CA10: variants seen among roughly 807,000 people sequenced by gnomAD.
The protein encoded by CA10 is carbonic anhydrase 10 (inactive).
Under a neutral mutation model 44.2 loss-of-function variants are expected in CA10, and 14 were observed. The observed-to-expected ratio is 0.32, with a 90% CI of 0.21 to 0.50. The LOEUF (loss-of-function observed/expected upper bound fraction) is 0.50, where lower values mean the gene tolerates loss of function less well. CA10 is among the 20% of genes least tolerant of loss of function. The pLI, the probability that CA10 is intolerant of heterozygous loss-of-function variation, is 0.99. For synonymous variants in CA10, 159 were observed against 141.6 expected, an observed-to-expected ratio of 1.12 and a Z score of -0.87; for missense variants, 350 against 409.7, an observed-to-expected ratio of 0.85 and a Z score of 1.26.
intron 1 of CA10, among the ~76,000 whole-genome samples, chr17:52,091,671 G>C (rs1988270112): frequency 6.6e-6 from 1 of 152,142 alleles, no homozygotes. Flanking sequence ...CAGGGAACTT[G>C]GTAACACTTT....
intron 2 of CA10, among the ~76,000 whole-genome samples, chr17:51,932,858 T>G (rs1982718111): frequency 6.6e-6 from 1 of 152,136 alleles, no homozygotes; most frequent in South Asian, 2.1e-4. Context: ...TCTTGCATTA[T>G]GAATGCACTT....
intron 1 of CA10, among the ~76,000 whole-genome samples, chr17:52,155,902 G>C (rs1295780290): frequency 6.6e-6 from 1 of 152,154 alleles, no homozygotes; most frequent in Non-Finnish European, 1.5e-5. Context: ...TTTAGTTGCT[G>C]ATACACCAAA....
At position 51,631,025 on chromosome 17, in the gene CA10, A is replaced by C. The variant is rs1220900786; in HGVS notation, c.*559T>G. On this transcript the variant is annotated 3_prime_UTR_variant, in exon 9 of 9. Transcript: ENST00000451037. ...ACAGAAGAATCATAATCTAGAAATA[A>C]GTGTCCTTGGTCAACTTTGTCCTGC... 6.5e-6 allele frequency: 1 copy of C among 153,380 alleles called. No homozygotes were observed. Among genetic ancestry groups the C allele is most frequent in the East Asian group, 1.9e-4 (1 of 5,208 alleles). The allele number at this position is 153,380 out of a possible 1,614,324, so 9.5% of individuals were successfully genotyped here.
intron 2 of CA10, among the ~76,000 whole-genome samples, chr17:52,020,168 A>G (rs916373794): frequency 6.6e-6 from 1 of 151,932 alleles, no homozygotes; most frequent in Non-Finnish European, 1.5e-5. Flanking sequence ...ACCGCTGGTA[A>G]TATTTTTTGC....
At chr17:51,689,380 AG>A (rs1487782947) in intron 4 of CA10, among the ~76,000 whole-genome samples, 1 of 152,174 alleles carries the variant, frequency 6.6e-6, no homozygotes, top group Non-Finnish European at 1.5e-5. Flanking sequence ...TTTGATTCCA[AG>A]GGCCATTCTT....
At chr17:51,716,483 G>GAAA (rs368431884) in intron 4 of CA10, among the ~76,000 whole-genome samples, 1 of 151,966 alleles carries the variant, frequency 6.6e-6, no homozygotes, top group Non-Finnish European at 1.5e-5. Flanking sequence ...AAAAAGAAGA[G>GAAA]AAAAAATGCC....
intron 4 of CA10, among the ~76,000 whole-genome samples, chr17:51,654,295 C>G (rs1462118907): frequency 6.6e-6 from 1 of 152,228 alleles, no homozygotes; most frequent in Non-Finnish European, 1.5e-5. Context: ...TTTATTTCCT[C>G]CTCATTCAAT....
At chr17:52,091,317 G>A (rs1161290403) in intron 1 of CA10, among the ~76,000 whole-genome samples, 1 of 151,862 alleles carries the variant, frequency 6.6e-6, no homozygotes, top group Admixed American at 6.6e-5. Context: ...TTTTTAAAAA[G>A]GCAAAACCTC....
chr17:52,121,679 T>TACAGATAC, intron 1 of CA10, among the ~76,000 whole-genome samples: 1 of 149,944 alleles, frequency 6.7e-6, no homozygotes, highest in South Asian at 2.1e-4. Context: ...CACACACAGA[T>TACAGATAC]ACACACACAC....
chr17:52,092,712 A>G (rs1988299837), intron 1 of CA10, among the ~76,000 whole-genome samples: 1 of 152,090 alleles, frequency 6.6e-6, no homozygotes, highest in Non-Finnish European at 1.5e-5. Context: ...CTGAGACAAA[A>G]TAAATGTATC....
intron 1 of CA10, among the ~76,000 whole-genome samples, chr17:52,088,660 A>G (rs181511589): frequency 6.6e-6 from 1 of 152,358 alleles, no homozygotes; most frequent in Admixed American, 6.5e-5. Flanking sequence ...CTTTCAAGGA[A>G]CAAAGGAAAA....
chr17:51,989,601 C>T (rs1186104081), intron 2 of CA10, among the ~76,000 whole-genome samples: 1 of 151,992 alleles, frequency 6.6e-6, no homozygotes, highest in Non-Finnish European at 1.5e-5. Flanking sequence ...GTACCTATAA[C>T]CATAGAATAC....
intron 3 of CA10, among the ~76,000 whole-genome samples, chr17:51,837,087 C>T (rs1185100767): frequency 6.6e-6 from 1 of 151,698 alleles, no homozygotes; most frequent in Admixed American, 6.6e-5. Flanking sequence ...ACAACACACA[C>T]ACACACACAC....
intron 6 of CA10, among the ~76,000 whole-genome samples, chr17:51,642,500 CAGGTAAG>C (rs2143241042): frequency 6.6e-6 from 1 of 152,244 alleles, no homozygotes; most frequent in East Asian, 1.9e-4. Flanking sequence ...AAGTTATAAA[CAGGTAAG>C]ACTGAAAAAG....
intron 3 of CA10, among the ~76,000 whole-genome samples, chr17:51,759,749 G>A (rs1451023723): frequency 6.6e-6 from 1 of 152,080 alleles, no homozygotes; most frequent in Non-Finnish European, 1.5e-5. Flanking sequence ...TTTGAGCTGA[G>A]TCTGACAGTT....
At chr17:51,692,414 TCTATCTATCTATTTTACCA>T (rs757815892) in intron 4 of CA10, among the ~76,000 whole-genome samples, 1,568 of 127,758 alleles carry the variant, frequency 0.012, 17 homozygotes, top group Non-Finnish European at 0.02. Flanking sequence ...TATCTATCTA[TCTATCTATCTATTTTACCA>T]TTTACCATGG....
At chr17:52,133,154 G>A (rs73987492) in intron 1 of CA10, among the ~76,000 whole-genome samples, 306 of 152,286 alleles carry the variant, frequency 2.0e-3, no homozygotes, top group African/African-American at 7.0e-3. Flanking sequence ...GCCCTTTGGT[G>A]AAATCAGGCA....
At chr17:52,069,482 C>T (rs554389126) in intron 2 of CA10, among the ~76,000 whole-genome samples, 12 of 152,286 alleles carry the variant, frequency 7.9e-5, no homozygotes, top group Non-Finnish European at 1.3e-4. Context: ...TAAACAACAT[C>T]TGTTAAACAC....
chr17:51,839,001 C>A (rs933943036), intron 3 of CA10, among the ~76,000 whole-genome samples: 1 of 152,138 alleles, frequency 6.6e-6, no homozygotes, highest in African/African-American at 2.4e-5. Flanking sequence ...GTTTTATTTT[C>A]ATTTGTAGTC....
Sources: allele counts gnomAD v4.1 joint callset (sites outside exome capture counted in the v4.1 genomes callset), GRCh38; gene constraint gnomAD v4.1.1; transcripts MANE v1.5; gene names NCBI Gene and HGNC (gene_info 2026-07-23, HGNC 2026-07-21).